Variants in EML5 observed in about 807,000 individuals in gnomAD.
The protein encoded by EML5 is EMAP like 5.
EML5 carries 120 observed loss-of-function variants against 250.0 expected under a neutral mutation model. That is an observed-to-expected ratio of 0.48 (90% confidence interval 0.41 to 0.56). EML5 has a LOEUF of 0.56. EML5 is among the 20% of genes least tolerant of loss of function. The pLI, the probability that EML5 is intolerant of heterozygous loss-of-function variation, is 0.00. For missense variants in EML5, 2,006 were observed against 2,437.6 expected, an observed-to-expected ratio of 0.82 and a Z score of 3.73; for synonymous variants, 771 against 806.5, an observed-to-expected ratio of 0.96 and a Z score of 0.75.
Position 88,627,735 on chromosome 14 carries a change from C to A in EML5, c.4442G>T (p.Cys1481Phe). 6.2e-7 allele frequency: 1 copy of A among 1,613,188 alleles called. No individual in the cohort carries two copies. The highest frequency in any genetic ancestry group is 8.5e-7 in the Non-Finnish European group (1 of 1,179,546). Residue 1481 changes from cysteine to phenylalanine, a missense_variant, in exon 34 of 44, where the codon TGT (cysteine) becomes TTT (phenylalanine). Around this residue, in one of 7 missense-constraint regions of EML5, gnomAD observed 1,375 missense variants for 1,590.3 expected, o/e 0.86. Coordinates refer to ENST00000554922, the MANE Select transcript of EML5 (RefSeq NM_183387.3). ...GCCAGTAGCACTGAAGCTGACTGAA[C>A]ATACTCCCTTTGAATGGTAGCATCT... is the stretch of plus-strand genomic sequence containing the variant. The part of the protein sequence containing the change: ...ILRCYHSKGV[C>F]SVSFSATGKL...
At chr14:88,780,208 C>T (rs982284348) in intron 1 of EML5, among the ~76,000 whole-genome samples, 15 of 152,284 alleles carry the variant, frequency 9.9e-5, no homozygotes, top group African/African-American at 2.4e-4. Flanking sequence ...CTGCCTCAGC[C>T]TCCCAAAGTG....
intron 32 of EML5, among the ~76,000 whole-genome samples, 171 bp downstream of exon 32, chr14:88,638,638 A>C (rs760421045): frequency 6.6e-6 from 1 of 152,236 alleles, no homozygotes; most frequent in Non-Finnish European, 1.5e-5. Flanking sequence ...AGTGAGTGAG[A>C]GAAAGGTACC....
chr14:88,785,436 T>C (rs1352078040), intron 1 of EML5, among the ~76,000 whole-genome samples: 1 of 152,222 alleles, frequency 6.6e-6, no homozygotes, highest in East Asian at 1.9e-4. Context: ...AAACATCTCA[T>C]GTACCCCATA....
At chr14:88,702,117 G>A (rs1195366981) in intron 14 of EML5, among the ~76,000 whole-genome samples, 2 of 151,880 alleles carry the variant, frequency 1.3e-5, no homozygotes, top group South Asian at 4.2e-4. Context: ...TTTGTTTTAG[G>A]TAACTCAACC....
In EML5 at chr14:88,681,052, A is replaced by G. The variant is rs149727238; in HGVS notation, c.3124+838T>C. Reference sequence around the variant, plus strand: ...GTTAAGATTAAAGATAGAAAAGAGTAAATCTAAAATATAAACAAGAAGTAT... The same window carrying G: ...GTTAAGATTAAAGATAGAAAAGAGTGAATCTAAAATATAAACAAGAAGTAT... On this transcript the variant is annotated intron_variant, in intron 21 of 43. Transcript: ENST00000554922. 3.0e-3 allele frequency among the ~76,000 whole-genome samples: 459 copies of G among 152,364 alleles called. 3 individuals carry two copies. The highest frequency in any genetic ancestry group is 0.011 in the African/African-American group (445 of 41,590).
Position 88,695,505 on chromosome 14 carries a change from A to G in EML5, c.2345-51T>C, listed in dbSNP as rs368258230. ...AACTGACTATTAACATTCAGAAGAG[A>G]GAAAACATTCAGTATATATTCTAAA... is the stretch of plus-strand genomic sequence containing the variant. On this transcript the variant is annotated intron_variant, in intron 15 of 43. Coordinates refer to ENST00000554922, the MANE Select transcript of EML5 (RefSeq NM_183387.3). The G allele has an allele frequency of 1.8e-5, 27 of 1,494,552 alleles. No individual in the cohort carries two copies. The African/African-American group carries it at 3.5e-4, about 19-fold the overall frequency. 92.6% of individuals were successfully genotyped at this position (1,494,552 alleles called of 1,614,324 possible).
At chr14:88,678,320 A>G (rs2092641914) in intron 21 of EML5, among the ~76,000 whole-genome samples, 2 of 152,180 alleles carry the variant, frequency 1.3e-5, no homozygotes, top group South Asian at 4.1e-4. Context: ...TGGGATAAAT[A>G]GCTAATTCAC....
rs2086959707 is a variant in EML5, at chr14:88,612,669, A to C, written c.*3149T>G. On this transcript the variant is annotated 3_prime_UTR_variant, in exon 44 of 44. Transcript: ENST00000554922. Reference sequence around the variant, plus strand: ...CTGAAGATAATTTTTGAAATGTAAAAATTAGATTTAAATAGTATATTTTAA... The same window carrying C: ...CTGAAGATAATTTTTGAAATGTAAACATTAGATTTAAATAGTATATTTTAA... The C allele has an allele frequency of 2.0e-5, 3 of 152,734 alleles. No individual in the cohort carries two copies. The South Asian group carries it at 6.2e-4, about 32-fold the overall frequency. The allele number at this position is 152,734 out of a possible 1,614,324, so 9.5% of individuals were successfully genotyped here.
At chr14:88,710,105 G>C (rs953566559) in intron 10 of EML5, among the ~76,000 whole-genome samples, 1 of 152,094 alleles carries the variant, frequency 6.6e-6, no homozygotes, top group African/African-American at 2.4e-5. Flanking sequence ...GTCCACCACA[G>C]CCCCTATGCT....
At chr14:88,619,415 C>T (rs1451452546) in intron 39 of EML5, 1 of 152,360 alleles carries the variant, frequency 6.6e-6, no homozygotes, top group Non-Finnish European at 1.5e-5. Flanking sequence ...CGGGGTCTCA[C>T]TATGGTCCCA....
intron 21 of EML5, among the ~76,000 whole-genome samples, chr14:88,671,571 T>C (rs2092463530): frequency 6.6e-6 from 1 of 152,142 alleles, no homozygotes; most frequent in African/African-American, 2.4e-5. Context: ...TAAATGTAAA[T>C]TGGCTAAATG....
chr14:88,751,801 A>G (rs528420139), intron 2 of EML5, among the ~76,000 whole-genome samples: 1 of 152,156 alleles, frequency 6.6e-6, no homozygotes, highest in Non-Finnish European at 1.5e-5. Context: ...GAGAAAGAAA[A>G]CCAGATAAAG....
At chr14:88,727,244 A>T (rs1341364007) in intron 7 of EML5, among the ~76,000 whole-genome samples, 1 of 152,138 alleles carries the variant, frequency 6.6e-6, no homozygotes, top group Non-Finnish European at 1.5e-5. Flanking sequence ...ATAAATAATA[A>T]TGTCACCATA....
chr14:88,759,685 T>TAAAAAAAAAAAAAAAAAAAAAAA (rs58676323), intron 1 of EML5, among the ~76,000 whole-genome samples: 3 of 92,910 alleles, frequency 3.2e-5, no homozygotes, highest in African/African-American at 1.7e-4. Context: ...CACCATCTCT[T>TAAAAAAAAAAAAAAAAAAAAAAA]AAAAAAAAAA....
chr14:88,618,569 A>G, intron 40 of EML5, 81 bp downstream of exon 40: 1 of 1,473,822 alleles, frequency 6.8e-7, no homozygotes, highest in South Asian at 1.4e-5. Context: ...TCTGGAGCTC[A>G]GGAACTTTAA....
At chr14:88,687,067 G>T in intron 19 of EML5, 149 bp downstream of exon 19, 2 of 604,632 alleles carry the variant, frequency 3.3e-6, no homozygotes, top group Non-Finnish European at 5.8e-6. Context: ...AATGATTCTG[G>T]TATCCAGTTA....
chr14:88,634,185 G>A (rs2090595519), intron 33 of EML5, among the ~76,000 whole-genome samples: 1 of 152,120 alleles, frequency 6.6e-6, no homozygotes, highest in Non-Finnish European at 1.5e-5. Flanking sequence ...GTTTAAACGT[G>A]TAGTACCTCC....
chr14:88,655,248 C>T (rs1567070409), intron 27 of EML5, among the ~76,000 whole-genome samples: 5 of 152,072 alleles, frequency 3.3e-5, no homozygotes, highest in Admixed American at 2.6e-4. Flanking sequence ...CTACAGTAAC[C>T]AAAACAGCAT....
chr14:88,746,849 G>T (rs1042081581), intron 2 of EML5, among the ~76,000 whole-genome samples: 1 of 152,134 alleles, frequency 6.6e-6, no homozygotes, highest in Admixed American at 6.5e-5. Flanking sequence ...AGAAGCGGAG[G>T]CAACTCATGA....
Sources: allele counts gnomAD v4.1 joint callset (sites outside exome capture counted in the v4.1 genomes callset), GRCh38; gene constraint gnomAD v4.1.1; regional missense constraint gnomAD v4.1.1; transcripts MANE v1.5; gene names NCBI Gene and HGNC (gene_info 2026-07-23, HGNC 2026-07-21).